The following TSEN15 variants were observed in gnomAD, a reference collection of about 807,000 sequenced individuals.
TSEN15 encodes tRNA splicing endonuclease subunit 15.
TSEN15 carries 10 observed loss-of-function variants against 20.5 expected under a neutral mutation model. The ratio of observed to expected loss-of-function variants is 0.49; its 90% CI spans 0.30 to 0.83. The LOEUF (loss-of-function observed/expected upper bound fraction) is 0.83. Among genes scored for constraint, TSEN15 ranks in the 40% least tolerant of loss-of-function variants. The probability of loss-of-function intolerance (pLI) is 0.06; values close to 1 mark genes in which losing one functional copy is unlikely to be tolerated. For missense variants in TSEN15, 180 were observed against 218.6 expected (o/e 0.82, Z 1.11); for synonymous variants, 72 against 80.1 (o/e 0.90, Z 0.54).
intron 3 of TSEN15, chr1:184,095,222 T>C (rs912421220): frequency 2.5e-6 from 1 of 397,262 alleles, no homozygotes; most frequent in Non-Finnish European, 4.4e-6. Flanking sequence ...CTTCTGACAC[T>C]GCTATGAGCA....
intron 3 of TSEN15, among the ~76,000 whole-genome samples, chr1:184,068,246 T>A (rs1157149222): frequency 6.6e-6 from 1 of 152,112 alleles, no homozygotes; most frequent in South Asian, 2.1e-4. Flanking sequence ...GATCCTCAAA[T>A]GCTACATACT....
chr1:184,056,922 T>G (rs902694065), intron 3 of TSEN15, among the ~76,000 whole-genome samples: 1 of 152,182 alleles, frequency 6.6e-6, no homozygotes, highest in Non-Finnish European at 1.5e-5. Flanking sequence ...AAGCCTCCCT[T>G]ATGCATTTCT....
rs545958057 is a variant in TSEN15 at position 184,056,814 on chromosome 1, G to A, written c.353+1951G>A. Among the ~76,000 whole-genome samples, 15 of 152,136 alleles carry A rather than the reference G, an allele frequency of 9.9e-5. No individual in the cohort carries two copies. In the South Asian group the frequency reaches 3.1e-3, roughly 32 times the overall value. ...CAAACATGCATTAATTTGTTTCTGG[G>A]TTCTCTATTATATTCCATTAGCCAG... On this transcript the variant is annotated intron_variant, in intron 3 of 4. Transcript: ENST00000645668.
At chr1:184,066,863 T>C (rs1650683365) in intron 3 of TSEN15, among the ~76,000 whole-genome samples, 1 of 152,242 alleles carries the variant, frequency 6.6e-6, no homozygotes, top group African/African-American at 2.4e-5. Context: ...GGATTGCACT[T>C]GTAGATCACA....
At chr1:184,081,808 C>T (rs1004095163) in intron 3 of TSEN15, among the ~76,000 whole-genome samples, 1 of 152,134 alleles carries the variant, frequency 6.6e-6, no homozygotes, top group African/African-American at 2.4e-5. Context: ...TTTCCCACTT[C>T]ATGGCTCGGG....
rs997759057 is a variant in TSEN15 at position 184,051,781 on chromosome 1, C to G, written c.26C>G (p.Pro9Arg). ...ATGGAGGAGCGCGGCGATTCCGAGCCGACCCCCGGCTGCAGCGGCCTGGGT... is the reference window on the plus strand; with the variant it reads ...ATGGAGGAGCGCGGCGATTCCGAGCGGACCCCCGGCTGCAGCGGCCTGGGT... The part of the protein sequence containing the change: MEERGDSE[P>R]TPGCSGLGPG... The change falls in exon 1 of 5, where the codon CCG (proline) becomes CGG (arginine). Residue 9 changes from proline to arginine, a missense_variant. Coordinates refer to ENST00000645668, the MANE Select transcript of TSEN15 (RefSeq NM_052965.4). The G allele has an allele frequency of 6.6e-7, 1 of 1,514,006 alleles. No homozygotes were observed. The highest frequency in any genetic ancestry group is 8.8e-7 in the Non-Finnish European group (1 of 1,131,716). The allele number at this position is 1,514,006 out of a possible 1,614,324, so 93.8% of individuals were successfully genotyped here.
At chr1:184,054,170 T>C (rs1465236243) in intron 1 of TSEN15, among the ~76,000 whole-genome samples, 184 bp from the exon 2 acceptor site, 1 of 152,252 alleles carries the variant, frequency 6.6e-6, no homozygotes, top group African/African-American at 2.4e-5. Context: ...CAATTTTAAG[T>C]GTGCATGTAT....
intron 3 of TSEN15, chr1:184,058,331 A>AC: frequency 3.9e-6 from 1 of 256,668 alleles, no homozygotes; most frequent in Non-Finnish European, 7.7e-6. Context: ...ACTATATTAT[A>AC]CAGTAGAATA....
At chr1:184,089,119 G>C (rs1367423126) in intron 3 of TSEN15, among the ~76,000 whole-genome samples, 1 of 152,166 alleles carries the variant, frequency 6.6e-6, no homozygotes, top group East Asian at 1.9e-4. Context: ...TTTTGGTGAA[G>C]TTTCCCCACT....
chr1:184,085,876 C>A (rs1572721830), intron 3 of TSEN15, among the ~76,000 whole-genome samples: 1 of 152,104 alleles, frequency 6.6e-6, no homozygotes, highest in Admixed American at 6.5e-5. Flanking sequence ...CTGAGTAGTT[C>A]TGTCTGAGAA....
At chr1:184,086,754 T>C (rs1651268957) in intron 3 of TSEN15, among the ~76,000 whole-genome samples, 1 of 151,190 alleles carries the variant, frequency 6.6e-6, no homozygotes, top group African/African-American at 2.4e-5. Flanking sequence ...CAAGAGAGAG[T>C]GAGAGAGAGC....
intron 1 of TSEN15, among the ~76,000 whole-genome samples, chr1:184,052,515 G>A (rs897073126): frequency 2.0e-5 from 3 of 152,090 alleles, no homozygotes; most frequent in African/African-American, 7.2e-5. Flanking sequence ...TACAAGTACG[G>A]TTCCAAGCAG....
Position 184,072,781 on chromosome 1 carries a change from C to T in TSEN15, c.496-46C>T, listed in dbSNP as rs780296028. The T allele has an allele frequency of 1.4e-5, 22 of 1,557,042 alleles. No homozygotes were observed. In the East Asian group the frequency reaches 2.7e-4, roughly 19 times the overall value. ...TCTTTCTAATTTTGCTTTTGGATTACATTGTTTATCGGAGAAAAGTCCATC... is the reference window on the plus strand; with the variant it reads ...TCTTTCTAATTTTGCTTTTGGATTATATTGTTTATCGGAGAAAAGTCCATC... On this transcript the variant is annotated intron_variant, in intron 4 of 4. Coordinates refer to ENST00000645668, the MANE Select transcript of TSEN15 (RefSeq NM_052965.4).
chr1:184,071,443 C>G (rs1223493784), intron 3 of TSEN15, among the ~76,000 whole-genome samples: 5 of 151,872 alleles, frequency 3.3e-5, no homozygotes, highest in Non-Finnish European at 7.4e-5. Flanking sequence ...AATTACAACA[C>G]TATATTACTG....
intron 4 of TSEN15, 91 bp downstream of exon 4, chr1:184,072,389 C>G: frequency 8.4e-7 from 1 of 1,192,294 alleles, no homozygotes; most frequent in Non-Finnish European, 1.1e-6. Context: ...CACAGAACTG[C>G]CACTTCCTTT....
Position 184,051,911 on chromosome 1 carries a change from C to T in TSEN15, c.135+21C>T, listed in dbSNP as rs1318672663. 3.3e-6 allele frequency: 5 copies of T among 1,515,798 alleles called. No individual in the cohort carries two copies. The South Asian group carries it at 3.8e-5, about 11-fold the overall frequency. The allele number at this position is 1,515,798 out of a possible 1,614,324, so 93.9% of individuals were successfully genotyped here. On this transcript the variant is annotated intron_variant, in intron 1 of 4. Transcript: ENST00000645668. ...CTAAGGTCAGGAGGCGCGAGAGGAG[C>T]AGGGCGCCGTCCAGGCCCCTAACCC... is the stretch of plus-strand genomic sequence containing the variant.
intron 3 of TSEN15, among the ~76,000 whole-genome samples, chr1:184,085,703 A>C (rs1651250845): frequency 6.6e-6 from 1 of 152,240 alleles, no homozygotes; most frequent in African/African-American, 2.4e-5. Flanking sequence ...AGTTTAGACC[A>C]TGATGGGATC....
At chr1:184,081,059 G>T (rs533238693) in intron 3 of TSEN15, among the ~76,000 whole-genome samples, 12 of 152,270 alleles carry the variant, frequency 7.9e-5, no homozygotes, top group Non-Finnish European at 1.8e-4. Flanking sequence ...ACTGTTACAA[G>T]AATTTCTAAA....
intron 3 of TSEN15, among the ~76,000 whole-genome samples, chr1:184,091,057 A>G (rs761228321): frequency 7.9e-5 from 12 of 152,214 alleles, no homozygotes; most frequent in Non-Finnish European, 1.3e-4. Context: ...CAAAGGCCTC[A>G]TCACCTTTAC....
Sources: allele counts gnomAD v4.1 joint callset (sites outside exome capture counted in the v4.1 genomes callset), GRCh38; gene constraint gnomAD v4.1.1; transcripts MANE v1.5; gene names NCBI Gene and HGNC (gene_info 2026-07-23, HGNC 2026-07-21).